LRMDA: variants seen among roughly 807,000 people sequenced by gnomAD.
The protein encoded by LRMDA is leucine-rich melanocyte differentiation-associated protein.
LRMDA carries 18 observed loss-of-function variants against 29.8 expected under a neutral mutation model. That is an observed-to-expected ratio of 0.60 (90% CI 0.42 to 0.90). The LOEUF is 0.90. Among genes scored for constraint, LRMDA ranks in the 40% least tolerant of loss-of-function variants. The probability of loss-of-function intolerance (pLI) is 0.00; values close to 1 mark genes in which losing one functional copy is unlikely to be tolerated. For missense variants in LRMDA, 273 were observed against 273.9 expected, an observed-to-expected ratio of 1.00 and a Z score of 0.02; for synonymous variants, 125 against 109.4, an observed-to-expected ratio of 1.14 and a Z score of -0.89.
chr10:76,383,620 C>T (rs1186611768), intron 6 of LRMDA, among the ~76,000 whole-genome samples: 3 of 149,314 alleles, frequency 2.0e-5, no homozygotes, highest in South Asian at 2.2e-4. Flanking sequence ...TTAGTAGAGA[C>T]GGGGTTTCAC....
chr10:75,504,114 T>C (rs1408392119), intron 2 of LRMDA, among the ~76,000 whole-genome samples: 1 of 151,182 alleles, frequency 6.6e-6, no homozygotes, highest in Non-Finnish European at 1.5e-5. Context: ...CTTCCTGGGC[T>C]CAGGTGATCC....
chr10:75,615,065 C>T (rs779940354), intron 2 of LRMDA, among the ~76,000 whole-genome samples: 4 of 152,136 alleles, frequency 2.6e-5, no homozygotes, highest in East Asian at 1.9e-4. Context: ...TGGTGTTTAA[C>T]GAAGGATGTG....
At chr10:76,190,897 G>A (rs528106902) in intron 5 of LRMDA, among the ~76,000 whole-genome samples, 2 of 152,224 alleles carry the variant, frequency 1.3e-5, no homozygotes, top group Admixed American at 6.5e-5. Context: ...GTCAGCAGAC[G>A]TGGTTAATTG....
chr10:76,318,569 G>T, intron 5 of LRMDA: 1 of 152,592 alleles, frequency 6.6e-6, no homozygotes, highest in Non-Finnish European at 1.5e-5. Context: ...TCTCCATTGG[G>T]ATCTTTTTCT....
At chr10:75,763,892 A>G (rs1054042656) in intron 2 of LRMDA, among the ~76,000 whole-genome samples, 3 of 152,070 alleles carry the variant, frequency 2.0e-5, no homozygotes, top group Non-Finnish European at 2.9e-5. Context: ...AGCTCTCTCT[A>G]GCTGAATGAT....
In LRMDA at chr10:76,047,245, G is replaced by T. The variant is rs757561647; in HGVS notation, c.340G>T (p.Ala114Ser). The T allele has an allele frequency of 1.7e-5, 27 of 1,613,952 alleles. No homozygotes were observed. Among genetic ancestry groups the T allele is most frequent in the Non-Finnish European group, 2.1e-5 (25 of 1,179,972 alleles). The change falls in exon 4 of 7, where the codon GCC becomes TCC. Residue 114 changes from alanine to serine, a missense_variant. Ala to Ser is a moderately conservative substitution (Grantham distance 99). Coordinates refer to ENST00000611255, the MANE Select transcript of LRMDA (RefSeq NM_001305581.2). ...GTACCTCAGTCTGCTGGGCAACGTG[G>T]CCTGTCCCAACGAGCTGGTCAGCTT... ...LEYLSLLGNV[A>S]CPNELVSLEK... is the part of the protein sequence containing the mutation.
chr10:75,857,854 G>T (rs560903809), intron 2 of LRMDA, among the ~76,000 whole-genome samples: 11 of 152,318 alleles, frequency 7.2e-5, no homozygotes, highest in Middle Eastern at 3.4e-3. Flanking sequence ...TCATTCATAC[G>T]CTTGCTGTCT....
At chr10:76,395,212 T>C (rs768075272) in intron 6 of LRMDA, among the ~76,000 whole-genome samples, 5 of 152,192 alleles carry the variant, frequency 3.3e-5, no homozygotes, top group South Asian at 2.1e-4. Context: ...AATTAAACCA[T>C]ATTTCTAGTC....
chr10:75,869,984 C>G (rs540132828), intron 2 of LRMDA, among the ~76,000 whole-genome samples: 1 of 152,314 alleles, frequency 6.6e-6, no homozygotes, highest in South Asian at 2.1e-4. Flanking sequence ...GTCCTCTCCC[C>G]TCTTGCTGCT....
intron 6 of LRMDA, among the ~76,000 whole-genome samples, chr10:76,472,839 C>G (rs959475395): frequency 4.6e-5 from 7 of 151,182 alleles, no homozygotes; most frequent in African/African-American, 1.2e-4. Flanking sequence ...TTGAATGGAC[C>G]TATAGAAAGT....
intron 2 of LRMDA, among the ~76,000 whole-genome samples, chr10:75,660,342 G>A (rs1841735614): frequency 6.6e-6 from 1 of 152,176 alleles, no homozygotes; most frequent in Admixed American, 6.5e-5. Context: ...CAGAAAGAAT[G>A]AAACTTGCGA....
At chr10:76,098,263 G>A (rs920042815) in intron 5 of LRMDA, among the ~76,000 whole-genome samples, 2 of 152,098 alleles carry the variant, frequency 1.3e-5, no homozygotes, top group African/African-American at 2.4e-5. Flanking sequence ...GAATTCACTA[G>A]CAAATATATC....
chr10:75,597,966 C>T (rs1436298260), intron 2 of LRMDA, among the ~76,000 whole-genome samples: 1 of 152,022 alleles, frequency 6.6e-6, no homozygotes, highest in African/African-American at 2.4e-5. Flanking sequence ...TACAAGGGGG[C>T]AGCCATGGAG....
intron 2 of LRMDA, among the ~76,000 whole-genome samples, chr10:75,822,741 T>C (rs1307819781): frequency 6.6e-6 from 1 of 152,108 alleles, no homozygotes; most frequent in Non-Finnish European, 1.5e-5. Flanking sequence ...ATTTTTTTTT[T>C]CAGAGACAGG....
intron 6 of LRMDA, among the ~76,000 whole-genome samples, chr10:76,526,164 T>G (rs1039440891): frequency 1.3e-5 from 2 of 152,186 alleles, no homozygotes; most frequent in African/African-American, 4.8e-5. Context: ...AGGAACTCTC[T>G]CAAATCATGA....
chr10:75,774,565 CTG>C (rs1354731143), intron 2 of LRMDA, among the ~76,000 whole-genome samples: 2 of 152,060 alleles, frequency 1.3e-5, no homozygotes, highest in Admixed American at 6.5e-5. Context: ...GAGGAGCAGA[CTG>C]TTTTATAGAC....
intron 2 of LRMDA, among the ~76,000 whole-genome samples, chr10:75,679,317 AT>A (rs1197150707): frequency 6.6e-6 from 1 of 152,076 alleles, no homozygotes; most frequent in African/African-American, 2.4e-5. Context: ...GCATTATCCT[AT>A]TTCATTCCTG....
At chr10:75,707,946 CCTTA>C (rs1177924134) in intron 2 of LRMDA, among the ~76,000 whole-genome samples, 1 of 152,158 alleles carries the variant, frequency 6.6e-6, no homozygotes, top group Non-Finnish European at 1.5e-5. Flanking sequence ...GTTTATCCTT[CCTTA>C]CTTCTTGACC....
intron 5 of LRMDA, among the ~76,000 whole-genome samples, chr10:76,182,361 G>A (rs374390668): frequency 1.3e-5 from 2 of 152,138 alleles, no homozygotes; most frequent in Non-Finnish European, 2.9e-5. Flanking sequence ...TTCTTCCCTC[G>A]ACATGTGGGG....
Sources: allele counts gnomAD v4.1 joint callset (sites outside exome capture counted in the v4.1 genomes callset), GRCh38; gene constraint gnomAD v4.1.1; transcripts MANE v1.5; gene names NCBI Gene and HGNC (gene_info 2026-07-23, HGNC 2026-07-21).